Variants in SLIT3 observed in about 807,000 individuals in gnomAD.
SLIT3 encodes slit homolog 3 protein.
A neutral mutation model predicts 184.0 loss-of-function variants in SLIT3; 68 were observed. That is an observed-to-expected ratio of 0.37 (90% CI 0.30 to 0.45). SLIT3 has a LOEUF of 0.45. Ranked by LOEUF, SLIT3 falls within the 20% of genes least tolerant of loss-of-function variation. The probability of loss-of-function intolerance (pLI) is 1.00; values close to 1 mark genes in which losing one functional copy is unlikely to be tolerated. For synonymous variants in SLIT3, 831 were observed against 828.6 expected, an observed-to-expected ratio of 1.00 and a Z score of -0.05; for missense variants, 1,707 against 2,026.0, an observed-to-expected ratio of 0.84 and a Z score of 3.02.
intron 4 of SLIT3, among the ~76,000 whole-genome samples, chr5:169,016,017 C>A (rs944116280): frequency 6.6e-5 from 10 of 150,914 alleles, no homozygotes; most frequent in Non-Finnish European, 1.2e-4. Context: ...CTCTTCCTGT[C>A]CCATCTCTGC....
At chr5:168,865,604 CAGA>C in intron 5 of SLIT3, among the ~76,000 whole-genome samples, 1 of 152,272 alleles carries the variant, frequency 6.6e-6, no homozygotes, top group East Asian at 1.9e-4. Flanking sequence ...TGGCTGAAGA[CAGA>C]AGGACATTTT....
intron 4 of SLIT3, among the ~76,000 whole-genome samples, chr5:168,992,723 G>A (rs1755371006): frequency 6.6e-6 from 1 of 152,188 alleles, no homozygotes; most frequent in African/African-American, 2.4e-5. Flanking sequence ...TGGAACCTCA[G>A]GGTTCCAAGG....
intron 1 of SLIT3, among the ~76,000 whole-genome samples, chr5:169,268,816 T>G (rs978077342): frequency 3.3e-5 from 5 of 152,232 alleles, no homozygotes; most frequent in African/African-American, 1.2e-4. Flanking sequence ...GCTGGAAAAC[T>G]ATAAAAATAA....
intron 29 of SLIT3, among the ~76,000 whole-genome samples, chr5:168,690,554 G>A (rs1761875147): frequency 6.6e-6 from 1 of 152,128 alleles, no homozygotes; most frequent in Non-Finnish European, 1.5e-5. Flanking sequence ...CCCACCCCTT[G>A]CCCCTTCATT....
intron 4 of SLIT3, among the ~76,000 whole-genome samples, chr5:169,099,003 A>C (rs1414923853): frequency 6.6e-6 from 1 of 151,960 alleles, no homozygotes; most frequent in East Asian, 1.9e-4. Flanking sequence ...ACAAAAGCTC[A>C]TAGGCTACTC....
chr5:168,679,614 C>T (rs939907580), intron 32 of SLIT3, among the ~76,000 whole-genome samples: 2 of 152,126 alleles, frequency 1.3e-5, no homozygotes, highest in Non-Finnish European at 2.9e-5. Flanking sequence ...TTGCTCTAAC[C>T]TGAATGCTGA....
At position 169,017,266 on chromosome 5, in the gene SLIT3, A is replaced by G. The variant is rs544980213; in HGVS notation, c.414-133930T>C. 5.9e-5 allele frequency among the ~76,000 whole-genome samples: 9 copies of G among 152,324 alleles called. No homozygotes were observed. The East Asian group carries it at 1.7e-3, about 29-fold the overall frequency. ...GGGAGATCAGGCTGCTTCGCATGTT[A>G]TCATCTGTGATTCCAGATAGTTGAC... On this transcript the variant is annotated intron_variant, in intron 4 of 35. Transcript: ENST00000519560.
intron 4 of SLIT3, among the ~76,000 whole-genome samples, chr5:168,960,424 A>G (rs1172927978): frequency 6.6e-6 from 1 of 152,248 alleles, no homozygotes; most frequent in Non-Finnish European, 1.5e-5. Flanking sequence ...TTCATTAATC[A>G]TCATAACAAC....
At chr5:168,999,434 A>G (rs780767573) in intron 4 of SLIT3, among the ~76,000 whole-genome samples, 7 of 141,962 alleles carry the variant, frequency 4.9e-5, no homozygotes, top group Non-Finnish European at 8.1e-5. Flanking sequence ...ATAAAACAGC[A>G]CAGCTACATA....
chr5:169,280,471 A>G (rs1766960638), intron 1 of SLIT3, among the ~76,000 whole-genome samples: 1 of 152,184 alleles, frequency 6.6e-6, no homozygotes, highest in African/African-American at 2.4e-5. Flanking sequence ...GCAGAAGCAC[A>G]CACACCAGCT....
chr5:168,844,549 G>T (rs768586584), intron 6 of SLIT3, 35 bp downstream of exon 6: 2 of 1,590,588 alleles, frequency 1.3e-6, no homozygotes, highest in Non-Finnish European at 1.7e-6. Context: ...ACACATGCAC[G>T]CACACACAAG....
At chr5:169,259,420 G>A (rs1047629211) in intron 1 of SLIT3, among the ~76,000 whole-genome samples, 3 of 152,214 alleles carry the variant, frequency 2.0e-5, no homozygotes, top group African/African-American at 7.2e-5. Context: ...GCTACAACAG[G>A]TAGGGAGAGG....
At chr5:169,087,262 T>C (rs1759344192) in intron 4 of SLIT3, among the ~76,000 whole-genome samples, 1 of 151,850 alleles carries the variant, frequency 6.6e-6, no homozygotes, top group African/African-American at 2.4e-5. Context: ...GTCCAGAAGG[T>C]GGTGAGAGGG....
intron 3 of SLIT3, among the ~76,000 whole-genome samples, chr5:169,195,154 A>G (rs1208763412): frequency 6.6e-6 from 1 of 152,154 alleles, no homozygotes; most frequent in Non-Finnish European, 1.5e-5. Flanking sequence ...AGAAAAGGTG[A>G]GCTTCTCCCT....
At chr5:168,809,173 C>T (rs1488418085) in intron 8 of SLIT3, among the ~76,000 whole-genome samples, 1 of 152,162 alleles carries the variant, frequency 6.6e-6, no homozygotes, top group African/African-American at 2.4e-5. Flanking sequence ...GACTTCCAGG[C>T]TGAAATTAAT....
At chr5:169,058,529 A>T (rs1758081856) in intron 4 of SLIT3, among the ~76,000 whole-genome samples, 1 of 152,146 alleles carries the variant, frequency 6.6e-6, no homozygotes, top group Non-Finnish European at 1.5e-5. Flanking sequence ...ATATAGAAAA[A>T]ATTCAGAGAA....
intron 5 of SLIT3, among the ~76,000 whole-genome samples, chr5:168,868,981 A>G (rs748925235): frequency 2.3e-4 from 35 of 152,156 alleles, no homozygotes; most frequent in Admixed American, 1.9e-3. Flanking sequence ...GACTCCCTAG[A>G]AGCTTGCAGG....
chr5:168,734,752 T>C (rs938649136), intron 20 of SLIT3, among the ~76,000 whole-genome samples: 2 of 152,190 alleles, frequency 1.3e-5, no homozygotes, highest in East Asian at 3.9e-4. Context: ...CTGTGATTAA[T>C]GTGGGCAGAA....
chr5:169,214,863 G>A (rs973528759), intron 3 of SLIT3, among the ~76,000 whole-genome samples: 2 of 152,044 alleles, frequency 1.3e-5, no homozygotes, highest in Non-Finnish European at 2.9e-5. Flanking sequence ...GCAATCAATC[G>A]CTGTATGCCA....
Sources: allele counts gnomAD v4.1 joint callset (sites outside exome capture counted in the v4.1 genomes callset), GRCh38; gene constraint gnomAD v4.1.1; transcripts MANE v1.5; gene names NCBI Gene and HGNC (gene_info 2026-07-23, HGNC 2026-07-21).